Variants in MALL observed in about 807,000 individuals in gnomAD.
MALL encodes the protein mal, T cell differentiation protein like, also known as MAL-like protein.
MALL carries 2 observed loss-of-function variants against 10.3 expected under a neutral mutation model. The observed-to-expected ratio is 0.19, with a 90% CI of 0.08 to 0.61. The LOEUF (loss-of-function observed/expected upper bound fraction) is 0.61. Ranked by LOEUF, MALL falls within the 20% of genes least tolerant of loss-of-function variation. MALL has a pLI of 0.88. For missense variants in MALL, 39 were observed against 115.2 expected (o/e 0.34, Z 3.03); for synonymous variants, 27 against 51.8 (o/e 0.52, Z 2.05).
At position 110,109,106 on chromosome 2, in the gene MALL, A is replaced by C. The variant is rs187379750; in HGVS notation, c.105+6582T>G. 5.1e-3 allele frequency among the ~76,000 whole-genome samples: 782 copies of C among 152,296 alleles called. 7 individuals are homozygous for C. Among genetic ancestry groups the C allele is most frequent in the Non-Finnish European group, 8.8e-3 (600 of 68,022 alleles). ...AGAACCTCTTTAAAGCATAAATCAC[A>C]AAGGACCTATAAAACAAAAATACAA... On this transcript the variant is annotated intron_variant, in intron 1 of 3. Transcript: ENST00000272462.
intron 1 of MALL, among the ~76,000 whole-genome samples, chr2:110,111,182 C>T (rs555663448): frequency 1.4e-3 from 206 of 152,174 alleles, no homozygotes; most frequent in Non-Finnish European, 2.4e-3. Context: ...CCACTCTCAC[C>T]ACTCCTCTTC....
chr2:110,095,256 T>A (rs1213701189), intron 1 of MALL, among the ~76,000 whole-genome samples: 1 of 152,192 alleles, frequency 6.6e-6, no homozygotes, highest in Non-Finnish European at 1.5e-5. Flanking sequence ...TGCTTTCCCA[T>A]TTTAATGTTT....
chr2:110,110,280 G>C (rs1055676430), intron 1 of MALL, among the ~76,000 whole-genome samples: 1 of 152,042 alleles, frequency 6.6e-6, no homozygotes, highest in Non-Finnish European at 1.5e-5. Context: ...GAAATAAAAA[G>C]CTGTTTCTTT....
intron 1 of MALL, chr2:110,097,582 GAC>G (rs1371834818): frequency 2.6e-5 from 12 of 456,114 alleles, no homozygotes; most frequent in African/African-American, 2.4e-4. Flanking sequence ...TTCTGAGACA[GAC>G]GCTGCCTGAG....
At chr2:110,112,854 GTAGA>G (rs1277611142) in intron 1 of MALL, among the ~76,000 whole-genome samples, 2 of 150,202 alleles carry the variant, frequency 1.3e-5, no homozygotes, top group South Asian at 2.1e-4. Context: ...CAATCAATGG[GTAGA>G]TAAAGAAACT....
intron 1 of MALL, among the ~76,000 whole-genome samples, chr2:110,102,124 T>C (rs1356669615): frequency 6.6e-6 from 1 of 152,128 alleles, no homozygotes; most frequent in Non-Finnish European, 1.5e-5. Flanking sequence ...GAAGTCCCCA[T>C]ACCCTCCTTT....
chr2:110,105,645 C>A (rs530744097), intron 1 of MALL, among the ~76,000 whole-genome samples: 2 of 152,244 alleles, frequency 1.3e-5, no homozygotes, highest in Middle Eastern at 3.4e-3. Context: ...CTTTGCTGCT[C>A]CTGGAAGTAT....
At chr2:110,099,204 C>G (rs186545409) in intron 1 of MALL, among the ~76,000 whole-genome samples, 1 of 152,080 alleles carries the variant, frequency 6.6e-6, no homozygotes, top group East Asian at 1.9e-4. Flanking sequence ...AAGGGGATCT[C>G]GAAAAGGACA....
chr2:110,107,078 G>T (rs1678712339), intron 1 of MALL, among the ~76,000 whole-genome samples: 1 of 148,954 alleles, frequency 6.7e-6, no homozygotes, highest in African/African-American at 2.5e-5. Context: ...GTGAGGGAGG[G>T]CAGGGTAGGG....
intron 1 of MALL, among the ~76,000 whole-genome samples, chr2:110,110,847 A>G (rs1678788924): frequency 6.6e-6 from 1 of 152,166 alleles, no homozygotes; most frequent in South Asian, 2.1e-4. Flanking sequence ...GAATCCAACA[A>G]TGTATCAAAA....
At chr2:110,114,311 T>G (rs113576874) in intron 1 of MALL, among the ~76,000 whole-genome samples, 1 of 151,956 alleles carries the variant, frequency 6.6e-6, no homozygotes, top group African/African-American at 2.4e-5. Context: ...TGGGAGGAAA[T>G]GCTCATGAGT....
chr2:110,111,658 C>T (rs1203013658), intron 1 of MALL, among the ~76,000 whole-genome samples: 1 of 151,924 alleles, frequency 6.6e-6, no homozygotes, highest in Non-Finnish European at 1.5e-5. Context: ...ACCATATTGC[C>T]AAAAGCAATC....
At position 110,115,644 on chromosome 2, in the gene MALL, C is replaced by T. The variant is rs529019979; in HGVS notation, c.105+44G>A. 578 of 1,138,366 alleles carry T rather than the reference C, an allele frequency of 5.1e-4. 4 individuals carry two copies. Among genetic ancestry groups the T allele is most frequent in the Admixed American group, 7.6e-4 (18 of 23,762 alleles). 70.5% of individuals were successfully genotyped at this position (1,138,366 alleles called of 1,614,324 possible). On this transcript the variant is annotated intron_variant, in intron 1 of 3. Coordinates refer to ENST00000272462, the MANE Select transcript of MALL (RefSeq NM_005434.5). The stretch of plus-strand genomic sequence containing the variant: ...GGTCTGGGTCCGAGGCCGGTCTCCC[C>T]CTCCCTCTCTGCAGGTGGCCCGGGT...
chr2:110,103,359 C>T (rs1267380409), intron 1 of MALL, among the ~76,000 whole-genome samples: 3 of 151,876 alleles, frequency 2.0e-5, no homozygotes, highest in South Asian at 2.1e-4. Context: ...AAAGGGGGCC[C>T]GAGGCTAGGG....
chr2:110,117,624 TGAGAGAGA>T (rs70958730), upstream of MALL, among the ~76,000 whole-genome samples: 155 of 122,784 alleles, frequency 1.3e-3, no homozygotes, highest in African/African-American at 1.7e-3. Flanking sequence ...TGTGTGTGTG[TGAGAGAGA>T]GAGAGAGAGA....
At chr2:110,116,028 A>G (rs1239227422), upstream of MALL, 1 of 384,928 alleles carries the variant, frequency 2.6e-6, no homozygotes, top group Non-Finnish European at 4.6e-6. Flanking sequence ...AGGAGGGAGC[A>G]GAGCGGGAGT....
At chr2:110,096,795 C>T (rs1486563723) in intron 1 of MALL, among the ~76,000 whole-genome samples, 1 of 151,870 alleles carries the variant, frequency 6.6e-6, no homozygotes, top group Non-Finnish European at 1.5e-5. Flanking sequence ...CCGTCTGCAA[C>T]CTCCCAGTTG....
At chr2:110,118,023 C>T (rs1678957565), upstream of MALL, among the ~76,000 whole-genome samples, 1 of 151,570 alleles carries the variant, frequency 6.6e-6, no homozygotes, top group African/African-American at 2.4e-5. Context: ...TCACCAACAG[C>T]TTAGTAGTGT....
At chr2:110,092,735 T>TAATAAA (rs1559029053) in intron 1 of MALL, among the ~76,000 whole-genome samples, 1 of 124,806 alleles carries the variant, frequency 8.0e-6, no homozygotes, top group African/African-American at 2.8e-5. Context: ...ATAATAATAA[T>TAATAAA]AAAGAAATGC....
Sources: gnomAD v4.1 joint callset for allele counts (sites outside exome capture counted in the v4.1 genomes callset) on GRCh38, gnomAD v4.1.1 for gene constraint, MANE v1.5 for transcripts, NCBI Gene and HGNC (gene_info 2026-07-23, HGNC 2026-07-21) for gene names.